FNDC3B: variants seen among roughly 807,000 people sequenced by gnomAD.
FNDC3B encodes the protein fibronectin type III domain containing 3B.
Under a neutral mutation model 151.5 loss-of-function variants are expected in FNDC3B, and 12 were observed. That is an observed-to-expected ratio of 0.08 (90% CI 0.05 to 0.13). The LOEUF (loss-of-function observed/expected upper bound fraction) is 0.13. Among genes scored for constraint, FNDC3B ranks in the 10% least tolerant of loss-of-function variants. The pLI is 1.00. For missense variants in FNDC3B, 1,214 were observed against 1,505.3 expected (o/e 0.81, Z 3.20); for synonymous variants, 528 against 549.0 (o/e 0.96, Z 0.54).
At chr3:172,211,521 G>A (rs997589711) in intron 3 of FNDC3B, among the ~76,000 whole-genome samples, 1 of 152,212 alleles carries the variant, frequency 6.6e-6, no homozygotes, top group African/African-American at 2.4e-5. Context: ...TAGATTGTTA[G>A]AAGGACCCAA....
intron 3 of FNDC3B, among the ~76,000 whole-genome samples, chr3:172,201,074 T>C (rs1478622498): frequency 2.0e-5 from 3 of 152,198 alleles, no homozygotes; most frequent in African/African-American, 7.2e-5. Context: ...GTTTGAACAG[T>C]GGTTCAGAAT....
intron 7 of FNDC3B, among the ~76,000 whole-genome samples, chr3:172,293,225 A>C (rs1313857017): frequency 6.6e-6 from 1 of 152,178 alleles, no homozygotes; most frequent in African/African-American, 2.4e-5. Context: ...GTTAAAACCA[A>C]GGAAGTAGGA....
At position 172,378,262 on chromosome 3, in the gene FNDC3B, T is replaced by C; in HGVS notation, c.3009-8T>C. The C allele has an allele frequency of 1.3e-6, 2 of 1,569,252 alleles. No homozygotes were observed. The highest frequency in any genetic ancestry group is 1.7e-6 in the Non-Finnish European group (2 of 1,162,292). On this transcript the variant is annotated splice_polypyrimidine_tract_variant and splice_region_variant and intron_variant, in intron 23 of 25. Transcript: ENST00000415807. ...CAGATGGCTAATTGATTCTGCTCCT[T>C]CTTCTAGGTTTATTTCAATCTACAG... is the stretch of plus-strand genomic sequence containing the variant.
At chr3:172,141,299 A>G (rs1456637510) in intron 3 of FNDC3B, among the ~76,000 whole-genome samples, 1 of 152,176 alleles carries the variant, frequency 6.6e-6, no homozygotes, top group South Asian at 2.1e-4. Flanking sequence ...AACATTTTAG[A>G]TGAAGGTTTA....
intron 17 of FNDC3B, among the ~76,000 whole-genome samples, chr3:172,342,721 A>T (rs1183709099): frequency 6.6e-6 from 1 of 152,216 alleles, no homozygotes; most frequent in Non-Finnish European, 1.5e-5. Flanking sequence ...AAGGAAAAGA[A>T]TTGTGTGCTT....
intron 22 of FNDC3B, among the ~76,000 whole-genome samples, chr3:172,362,297 C>T: frequency 6.6e-6 from 1 of 152,304 alleles, no homozygotes; most frequent in South Asian, 2.1e-4. Flanking sequence ...CCAAAACTGA[C>T]CATGAGGTAG....
chr3:172,304,916 C>T (rs1430221985), intron 9 of FNDC3B, among the ~76,000 whole-genome samples: 1 of 148,354 alleles, frequency 6.7e-6, no homozygotes, highest in Non-Finnish European at 1.5e-5. Context: ...AAAAAAAAGC[C>T]AAGTGTTGCT....
intron 1 of FNDC3B, among the ~76,000 whole-genome samples, chr3:172,106,214 G>A (rs1719637506): frequency 1.3e-5 from 2 of 152,102 alleles, no homozygotes; most frequent in South Asian, 4.1e-4. Flanking sequence ...TGCCCAGGCT[G>A]GACTCAAACT....
chr3:172,300,219 A>G (rs182135338), intron 9 of FNDC3B, among the ~76,000 whole-genome samples: 16 of 152,388 alleles, frequency 1.0e-4, no homozygotes, highest in Admixed American at 3.3e-4. Flanking sequence ...AAAATGGTCA[A>G]TTTAACAACA....
chr3:172,268,356 A>G (rs1221521666), intron 6 of FNDC3B, among the ~76,000 whole-genome samples: 1 of 152,234 alleles, frequency 6.6e-6, no homozygotes, highest in Non-Finnish European at 1.5e-5. Flanking sequence ...AAAGAGTTCT[A>G]AAACAAAAGT....
chr3:172,284,457 GAT>G (rs1303197414), intron 6 of FNDC3B, among the ~76,000 whole-genome samples: 1 of 152,216 alleles, frequency 6.6e-6, no homozygotes, highest in East Asian at 1.9e-4. Flanking sequence ...AAATAAGAAA[GAT>G]AGTTCTTTTC....
chr3:172,315,355 C>T (rs1560073772), intron 11 of FNDC3B, among the ~76,000 whole-genome samples: 1 of 152,146 alleles, frequency 6.6e-6, no homozygotes, highest in Non-Finnish European at 1.5e-5. Flanking sequence ...CCAGCCTGGG[C>T]GACAGAGCGA....
At chr3:172,334,302 TG>T (rs1212159304) in intron 14 of FNDC3B, among the ~76,000 whole-genome samples, 1 of 147,290 alleles carries the variant, frequency 6.8e-6, no homozygotes, top group Non-Finnish European at 1.5e-5. Context: ...CTTTAAAAAG[TG>T]GGGCTATTTT....
chr3:172,127,850 G>C (rs1720882546), intron 2 of FNDC3B, among the ~76,000 whole-genome samples: 1 of 152,120 alleles, frequency 6.6e-6, no homozygotes, highest in Admixed American at 6.5e-5. Flanking sequence ...ATTTTTAGTA[G>C]AGACAGGGTG....
At chr3:172,309,831 A>G (rs1731378432) in intron 10 of FNDC3B, among the ~76,000 whole-genome samples, 2 of 152,208 alleles carry the variant, frequency 1.3e-5, no homozygotes, top group African/African-American at 4.8e-5. Flanking sequence ...TATTCTTGGA[A>G]CATGAAATTA....
intron 25 of FNDC3B, among the ~76,000 whole-genome samples, chr3:172,395,780 A>G (rs1392763352): frequency 1.3e-5 from 2 of 152,254 alleles, no homozygotes; most frequent in Admixed American, 6.5e-5. Context: ...AGACTTGTAC[A>G]TATTATTCAC....
chr3:172,135,788 A>T (rs1264634107), intron 3 of FNDC3B, among the ~76,000 whole-genome samples: 1 of 152,236 alleles, frequency 6.6e-6, no homozygotes, highest in Non-Finnish European at 1.5e-5. Context: ...TATAAAAGGC[A>T]GTCACTCAGG....
In FNDC3B at chr3:172,103,031, C is replaced by T. The variant is rs113335429; in HGVS notation, c.-28-9421C>T. Among the ~76,000 whole-genome samples, 517 of 152,248 alleles carry T rather than the reference C, an allele frequency of 3.4e-3. 1 individual carries two copies. The highest frequency in any genetic ancestry group is 5.4e-3 in the Non-Finnish European group (369 of 68,016). ...TACTTGACTGTCATCCTTGGGATGT[C>T]AGGGTGTGAGATGTATTGTGATATG... On this transcript the variant is annotated intron_variant, in intron 1 of 25. Coordinates refer to ENST00000415807, the MANE Select transcript of FNDC3B (RefSeq NM_022763.4).
At chr3:172,131,584 T>C (rs2108570866) in intron 2 of FNDC3B, among the ~76,000 whole-genome samples, 1 of 152,312 alleles carries the variant, frequency 6.6e-6, no homozygotes, top group East Asian at 1.9e-4. Context: ...TTCAAGATAA[T>C]GAGAAGCACC....
Sources: gnomAD v4.1 joint callset for allele counts (sites outside exome capture counted in the v4.1 genomes callset) on GRCh38, gnomAD v4.1.1 for gene constraint, MANE v1.5 for transcripts, NCBI Gene and HGNC (gene_info 2026-07-23, HGNC 2026-07-21) for gene names.